The following LRRIQ1 variants were observed in gnomAD, a reference collection of about 807,000 sequenced individuals.
The protein encoded by LRRIQ1 is leucine-rich repeat- and IQ domain-containing protein 1.
Under a neutral mutation model 211.9 loss-of-function variants are expected in LRRIQ1, and 210 were observed. The observed-to-expected ratio is 0.99, with a 90% confidence interval of 0.89 to 1.11. LRRIQ1 has a LOEUF of 1.11. Among genes scored for constraint, LRRIQ1 ranks in the 50% most tolerant of loss-of-function variants. LRRIQ1 has a pLI of 0.00. For synonymous variants in LRRIQ1, 699 were observed against 650.1 expected, an observed-to-expected ratio of 1.08 and a Z score of -1.14; for missense variants, 2,136 against 1,939.5, an observed-to-expected ratio of 1.10 and a Z score of -1.90.
intron 10 of LRRIQ1, among the ~76,000 whole-genome samples, chr12:85,071,037 A>C (rs1883026538): frequency 6.6e-6 from 1 of 151,976 alleles, no homozygotes; most frequent in Non-Finnish European, 1.5e-5. Context: ...TTGATAAATT[A>C]ATTCACTTTT....
chr12:85,047,272 C>T lies in LRRIQ1; in HGVS notation c.480C>T (p.Tyr160=). 1 of 1,599,264 alleles carries T rather than the reference C, an allele frequency of 6.3e-7. No individual in the cohort carries two copies. Among genetic ancestry groups the T allele is most frequent in the Non-Finnish European group, 8.5e-7 (1 of 1,176,240 alleles). Residue 160 remains tyrosine, a synonymous_variant, in exon 6 of 27, where the codon TAC becomes TAT. Coordinates refer to ENST00000393217, the MANE Select transcript of LRRIQ1 (RefSeq NM_001079910.2). ...LPDDADINFG[Y]CEVEEKCRQS... ...ATGATGCTGATATAAATTTTGGATA[C>T]TGTGAAGTGGAAGAAAAATGTAGAC...
At chr12:85,064,765 C>A (rs1459173104) in intron 8 of LRRIQ1, among the ~76,000 whole-genome samples, 1 of 151,800 alleles carries the variant, frequency 6.6e-6, no homozygotes, top group Non-Finnish European at 1.5e-5. Flanking sequence ...TGTTTTCCAG[C>A]ACCATTATTG....
At chr12:85,075,175 A>C (rs1002546276) in intron 11 of LRRIQ1, among the ~76,000 whole-genome samples, 1 of 152,074 alleles carries the variant, frequency 6.6e-6, no homozygotes, top group Non-Finnish European at 1.5e-5. Flanking sequence ...GGCTGGGCAC[A>C]GTGGCTCACG....
At chr12:85,131,047 C>T (rs1294902754) in intron 18 of LRRIQ1, among the ~76,000 whole-genome samples, 2 of 109,960 alleles carry the variant, frequency 1.8e-5, no homozygotes, top group Non-Finnish European at 3.3e-5. Context: ...TTCATCTCTA[C>T]TAAAAAAAAA....
chr12:85,142,647 A>G (rs1472908501), intron 19 of LRRIQ1, among the ~76,000 whole-genome samples: 1 of 151,404 alleles, frequency 6.6e-6, no homozygotes, highest in African/African-American at 2.4e-5. Flanking sequence ...CTTAAACCCT[A>G]GTAATCACCA....
At chr12:85,069,822 G>A (rs933050812) in intron 10 of LRRIQ1, among the ~76,000 whole-genome samples, 1 of 151,982 alleles carries the variant, frequency 6.6e-6, no homozygotes, top group East Asian at 1.9e-4. Context: ...GGAGTTCATT[G>A]TAGATTCTGG....
chr12:85,055,437 T>C (rs1488711169), intron 7 of LRRIQ1, 110 bp from the exon 8 acceptor site: 1 of 870,532 alleles, frequency 1.1e-6, no homozygotes, highest in Non-Finnish European at 1.6e-6. Context: ...ATAGAAACTT[T>C]ATTAAGACTT....
chr12:85,221,197 ATAAT>A (rs1358863223), intron 24 of LRRIQ1, among the ~76,000 whole-genome samples: 1 of 152,140 alleles, frequency 6.6e-6, no homozygotes, highest in Admixed American at 6.6e-5. Flanking sequence ...TTCTATTATA[ATAAT>A]TAAATTAATC....
At chr12:85,224,292 TTGG>T (rs1253898653) in intron 24 of LRRIQ1, among the ~76,000 whole-genome samples, 3 of 152,156 alleles carry the variant, frequency 2.0e-5, no homozygotes, top group Admixed American at 6.5e-5. Flanking sequence ...TTTTACACTG[TTGG>T]TGGGAGTGTA....
At chr12:85,208,101 A>G (rs776622843) in intron 24 of LRRIQ1, among the ~76,000 whole-genome samples, 11 of 151,912 alleles carry the variant, frequency 7.2e-5, no homozygotes, top group Non-Finnish European at 1.2e-4. Flanking sequence ...ATTTTGAGGT[A>G]TATATATACA....
In LRRIQ1 at chr12:85,114,291, A is replaced by G. The variant is rs541654958; in HGVS notation, c.3378-7406A>G. ...TATACGGGCCAAGCCTAGATGACAA[A>G]TAAAAAATACTAGCTTTTCCCATGA... On this transcript the variant is annotated intron_variant, in intron 15 of 26. Transcript: ENST00000393217. 2.0e-5 allele frequency among the ~76,000 whole-genome samples: 3 copies of G among 152,196 alleles called. No homozygotes were observed. In the South Asian group the frequency reaches 6.2e-4, roughly 32 times the overall value.
At position 85,095,906 on chromosome 12, in the gene LRRIQ1, C is replaced by G. The variant is rs2136258345; in HGVS notation, c.2888-2449C>G. Among the ~76,000 whole-genome samples the G allele has an allele frequency of 1.3e-5, 2 of 152,138 alleles. 1 individual carries two copies. On this transcript the variant is annotated intron_variant, in intron 11 of 26. Transcript: ENST00000393217. ...AGGTTGTGTGTTTCCAAGAATTTATCTACTTCCTGTATATTTTCTTGTTTG... is the reference window on the plus strand; with the variant it reads ...AGGTTGTGTGTTTCCAAGAATTTATGTACTTCCTGTATATTTTCTTGTTTG...
intron 24 of LRRIQ1, among the ~76,000 whole-genome samples, chr12:85,192,484 GTTATATAATATAATTATATATAAATA>G (rs1565894019): frequency 3.4e-5 from 4 of 118,918 alleles, no homozygotes; most frequent in Admixed American, 1.1e-4. Context: ...AATATATATA[GTTATATAATATAATTATATATAAATA>G]TATATAGTTA....
chr12:85,233,409 C>T (rs1308029324), intron 26 of LRRIQ1, among the ~76,000 whole-genome samples: 2 of 151,948 alleles, frequency 1.3e-5, no homozygotes, highest in Non-Finnish European at 2.9e-5. Context: ...TGACCAGTGA[C>T]AGAAGTGTGT....
At chr12:85,260,653 A>G (rs1401021742) in intron 1 of LRRIQ1, among the ~76,000 whole-genome samples, 1 of 152,114 alleles carries the variant, frequency 6.6e-6, no homozygotes. Context: ...CTCCCTATTT[A>G]ATGTATTCTC....
intron 18 of LRRIQ1, among the ~76,000 whole-genome samples, chr12:85,128,961 G>T (rs547864662): frequency 6.6e-6 from 1 of 151,960 alleles, no homozygotes; most frequent in African/African-American, 2.4e-5. Flanking sequence ...TCTCGTCTGG[G>T]GCTTGGGTCC....
intron 1 of LRRIQ1, among the ~76,000 whole-genome samples, chr12:85,037,615 G>A (rs937234523): frequency 6.6e-6 from 1 of 151,778 alleles, no homozygotes; most frequent in South Asian, 2.1e-4. Context: ...AGGAATTAAC[G>A]AAAGGGAAAG....
intron 6 of LRRIQ1, among the ~76,000 whole-genome samples, chr12:85,050,108 C>T (rs1415656260): frequency 6.6e-6 from 1 of 152,150 alleles, no homozygotes; most frequent in Non-Finnish European, 1.5e-5. Context: ...CAAAATCTCA[C>T]TTATCACCAA....
At chr12:85,134,187 A>G (rs1888963956) in intron 18 of LRRIQ1, among the ~76,000 whole-genome samples, 1 of 152,120 alleles carries the variant, frequency 6.6e-6, no homozygotes, top group Admixed American at 6.6e-5. Flanking sequence ...GGTATAAGGA[A>G]TAACATTCCG....
Sources: gnomAD v4.1 joint callset for allele counts (sites outside exome capture counted in the v4.1 genomes callset) on GRCh38, gnomAD v4.1.1 for gene constraint, MANE v1.5 for transcripts, NCBI Gene and HGNC (gene_info 2026-07-23, HGNC 2026-07-21) for gene names.